Variants in PLCL2 observed in about 807,000 individuals in gnomAD.
The protein encoded by PLCL2 is phospholipase C like 2.
Under a neutral mutation model 79.6 loss-of-function variants are expected in PLCL2, and 4 were observed. The ratio of observed to expected loss-of-function variants is 0.05; its 90% confidence interval spans 0.02 to 0.11. The LOEUF is 0.11. PLCL2 is among the 10% of genes least tolerant of loss of function. The pLI is 1.00. For missense variants in PLCL2, 895 were observed against 1,291.0 expected (o/e 0.69, Z 4.70); for synonymous variants, 484 against 457.7 (o/e 1.06, Z -0.73).
intron 4 of PLCL2, among the ~76,000 whole-genome samples, chr3:17,043,154 TG>T (rs2064744250): frequency 6.6e-6 from 1 of 152,182 alleles, no homozygotes; most frequent in Non-Finnish European, 1.5e-5. Context: ...ACATTAACAT[TG>T]GTCTGAGGTA....
At chr3:16,949,429 C>A (rs1263488743) in intron 1 of PLCL2, among the ~76,000 whole-genome samples, 1 of 152,182 alleles carries the variant, frequency 6.6e-6, no homozygotes, top group Admixed American at 6.5e-5. Flanking sequence ...ATTTCCTCTT[C>A]TACAAATTAT....
At chr3:17,039,552 A>G (rs1476446576) in intron 3 of PLCL2, among the ~76,000 whole-genome samples, 1 of 152,240 alleles carries the variant, frequency 6.6e-6, no homozygotes, top group Non-Finnish European at 1.5e-5. Context: ...GTACCCCAAA[A>G]TGATAAAAAG....
intron 1 of PLCL2, among the ~76,000 whole-genome samples, chr3:16,940,690 A>C (rs567297644): frequency 1.3e-5 from 2 of 152,246 alleles, no homozygotes; most frequent in Non-Finnish European, 2.9e-5. Flanking sequence ...ATCAGATAGG[A>C]TAGAGGTTCA....
intron 3 of PLCL2, among the ~76,000 whole-genome samples, chr3:17,032,747 A>G (rs180729434): frequency 2.2e-4 from 33 of 152,260 alleles, no homozygotes; most frequent in Admixed American, 1.6e-3. Flanking sequence ...ACATGATACT[A>G]TTTATTTCAT....
intron 3 of PLCL2, among the ~76,000 whole-genome samples, chr3:17,015,413 T>G (rs1214836967): frequency 6.6e-6 from 1 of 152,226 alleles, no homozygotes; most frequent in Non-Finnish European, 1.5e-5. Context: ...TGTAATGAGC[T>G]TAACACTAAT....
intron 5 of PLCL2, among the ~76,000 whole-genome samples, chr3:17,085,864 T>C (rs778959055): frequency 5.3e-5 from 8 of 152,212 alleles, no homozygotes; most frequent in Non-Finnish European, 1.5e-5. Context: ...TAACAACATA[T>C]ATATGACTTA....
At chr3:16,981,090 C>A (rs988843510) in intron 1 of PLCL2, among the ~76,000 whole-genome samples, 10 of 152,262 alleles carry the variant, frequency 6.6e-5, no homozygotes, top group Non-Finnish European at 1.0e-4. Context: ...GCAGCAGTAC[C>A]GTCCAGCTTC....
chr3:16,887,345 G>GAT lies in PLCL2; in HGVS notation c.327+1980_327+1981insTA, dbSNP rs1202729033. 2.6e-5 allele frequency among the ~76,000 whole-genome samples: 4 copies of GAT among 152,160 alleles called. No homozygotes were observed. Among genetic ancestry groups the GAT allele is most frequent in the Admixed American group, 2.6e-4 (4 of 15,276 alleles). On this transcript the variant is annotated intron_variant, in intron 1 of 5. Coordinates refer to ENST00000615277, the MANE Select transcript of PLCL2 (RefSeq NM_001144382.2). The surrounding 1 kb of genome is among the most constrained non-coding windows in gnomAD (Gnocchi z 4.1). Reference sequence around the variant, plus strand: ...GTAGCAGCTCAATAAATTGCTTATTGAATGAATGGAGAAAGTACATGTTTT... The same window carrying GAT: ...GTAGCAGCTCAATAAATTGCTTATTGATAATGAATGGAGAAAGTACATGTTTT...
At position 16,910,717 on chromosome 3, in the gene PLCL2, T is replaced by C. The variant is rs1391145566; in HGVS notation, c.327+25351T>C. On this transcript the variant is annotated intron_variant, in intron 1 of 5. Coordinates refer to ENST00000615277, the MANE Select transcript of PLCL2 (RefSeq NM_001144382.2). ...TATGTCCTACTAGATTTTTCCACTA[T>C]ATCCTACTAGATCTTTCACTTTTCA... Among the ~76,000 whole-genome samples the C allele has an allele frequency of 3.3e-5, 5 of 152,240 alleles. No individual in the cohort carries two copies. In the East Asian group the frequency reaches 7.7e-4, roughly 24 times the overall value.
At chr3:16,937,462 GT>G (rs1315875094) in intron 1 of PLCL2, among the ~76,000 whole-genome samples, 2 of 152,196 alleles carry the variant, frequency 1.3e-5, no homozygotes, top group African/African-American at 4.8e-5. Flanking sequence ...TGGTGAGTCA[GT>G]TATGGTTGTT....
chr3:16,888,829 G>T (rs1696281383), intron 1 of PLCL2, among the ~76,000 whole-genome samples: 2 of 152,162 alleles, frequency 1.3e-5, no homozygotes, highest in South Asian at 4.1e-4. Context: ...GATTTAGTCA[G>T]AACTAGTTAA....
At chr3:16,968,304 A>G (rs2063825727) in intron 1 of PLCL2, among the ~76,000 whole-genome samples, 1 of 152,072 alleles carries the variant, frequency 6.6e-6, no homozygotes, top group South Asian at 2.1e-4. Context: ...TAATTCTGAG[A>G]ACATCATCAT....
intron 1 of PLCL2, among the ~76,000 whole-genome samples, chr3:16,953,989 T>C (rs1171772713): frequency 6.6e-6 from 1 of 152,164 alleles, no homozygotes; most frequent in Non-Finnish European, 1.5e-5. Context: ...GATATAATTT[T>C]TACTCAGTGA....
intron 1 of PLCL2, among the ~76,000 whole-genome samples, chr3:16,900,209 C>A (rs1696585817): frequency 6.6e-6 from 1 of 152,082 alleles, no homozygotes; most frequent in South Asian, 2.1e-4. Flanking sequence ...TTCATTTTTT[C>A]TTCTTGACAG....
intron 3 of PLCL2, among the ~76,000 whole-genome samples, chr3:17,023,155 A>G (rs2064474594): frequency 6.6e-6 from 1 of 152,128 alleles, no homozygotes; most frequent in African/African-American, 2.4e-5. Flanking sequence ...CTCCAACATG[A>G]GTCACTCAAT....
At chr3:17,053,028 C>T (rs1271626289) in intron 4 of PLCL2, among the ~76,000 whole-genome samples, 2 of 152,058 alleles carry the variant, frequency 1.3e-5, no homozygotes, top group African/African-American at 4.8e-5. Flanking sequence ...CCCCTAACAC[C>T]CCTGTTGTTG....
At chr3:17,030,791 A>C (rs1471302607) in intron 3 of PLCL2, among the ~76,000 whole-genome samples, 1 of 152,196 alleles carries the variant, frequency 6.6e-6, no homozygotes, top group Non-Finnish European at 1.5e-5. Context: ...CTTTCAACGA[A>C]CGTCTATACT....
chr3:17,029,759 A>AAC (rs947529612), intron 3 of PLCL2, among the ~76,000 whole-genome samples: 1 of 152,182 alleles, frequency 6.6e-6, no homozygotes, highest in South Asian at 2.1e-4. Flanking sequence ...AGTGAGCCAA[A>AAC]ACACATCTCC....
At chr3:16,995,638 C>T (rs1293393293) in intron 1 of PLCL2, among the ~76,000 whole-genome samples, 3 of 152,136 alleles carry the variant, frequency 2.0e-5, no homozygotes, top group Non-Finnish European at 2.9e-5. Flanking sequence ...GTATTTTAAA[C>T]CATTTTGATT....
Sources: gnomAD v4.1 joint callset for allele counts (sites outside exome capture counted in the v4.1 genomes callset) on GRCh38, gnomAD v4.1.1 for gene constraint, Gnocchi (gnomAD v3.1) non-coding constraint, MANE v1.5 for transcripts, NCBI Gene and HGNC (gene_info 2026-07-23, HGNC 2026-07-21) for gene names.